The following WDR33 variants were observed in gnomAD, a reference collection of about 807,000 sequenced individuals.
The protein encoded by WDR33 is pre-mRNA 3' end processing protein WDR33.
WDR33 carries 47 observed loss-of-function variants against 164.9 expected under a neutral mutation model. The observed-to-expected ratio is 0.29, with a 90% CI of 0.23 to 0.36. The LOEUF is 0.36. WDR33 is among the 10% of genes least tolerant of loss of function. The probability of loss-of-function intolerance (pLI) is 1.00; values close to 1 mark genes in which losing one functional copy is unlikely to be tolerated. For missense variants in WDR33, 1,137 were observed against 1,754.1 expected (o/e 0.65, Z 6.28); for synonymous variants, 505 against 589.0 (o/e 0.86, Z 2.06).
intron 7 of WDR33, chr2:127,736,253 C>G: frequency 2.0e-6 from 2 of 985,354 alleles, no homozygotes; most frequent in Non-Finnish European, 2.4e-6. Context: ...AATGATGAAC[C>G]TGAATTCAGC....
rs1377690298 is a variant in WDR33 at position 127,722,694 on chromosome 2, G to A, written c.1415C>T (p.Pro472Leu). Reference sequence around the variant, plus strand: ...TTCCTCCATTCCCCAATCTAAACCTGGAATTGTCATTTCAATTTCATTTGA... The same window carrying A: ...TTCCTCCATTCCCCAATCTAAACCTAGAATTGTCATTTCAATTTCATTTGA... ...DESNEIEMTIPGLDWGMEEVM... is the reference protein window; with the variant it reads ...DESNEIEMTILGLDWGMEEVM... Residue 472 changes from proline (P) to leucine (L), a missense_variant, in exon 14 of 22, where the codon CCA becomes CTA. Physicochemically the swap from Pro to Leu is moderately conservative, Grantham distance 98. Around this residue, in one of 9 missense-constraint regions of WDR33, gnomAD observed 75 missense variants for 124.7 expected, o/e 0.60. Coordinates refer to ENST00000322313, the MANE Select transcript of WDR33 (RefSeq NM_018383.5). This position sits in a 1 kb window ranked among gnomAD's most constrained non-coding sequence, Gnocchi z 5.1. 1 of 1,613,674 alleles carries A rather than the reference G, an allele frequency of 6.2e-7. No individual in the cohort carries two copies. Among genetic ancestry groups the A allele is most frequent in the African/African-American group, 1.3e-5 (1 of 74,848 alleles).
At position 127,797,996 on chromosome 2, in the gene WDR33, G is replaced by C. The variant is rs544029638; in HGVS notation, c.-24+13016C>G. Among the ~76,000 whole-genome samples, 3 of 152,254 alleles carry C rather than the reference G, an allele frequency of 2.0e-5. No homozygotes were observed. In the South Asian group the frequency reaches 6.2e-4, roughly 32 times the overall value. ...ACCACTGCACTTCAACCTGGTGACA[G>C]AGTGAGACCCCATCTCAAAAGATTA... On this transcript the variant is annotated intron_variant, in intron 1 of 21. Coordinates refer to ENST00000322313, the MANE Select transcript of WDR33 (RefSeq NM_018383.5).
Position 127,706,222 on chromosome 2 carries a change from A to G in WDR33, c.*101T>C. On this transcript the variant is annotated 3_prime_UTR_variant, in exon 22 of 22. Coordinates refer to ENST00000322313, the MANE Select transcript of WDR33 (RefSeq NM_018383.5). This position sits in a 1 kb window ranked among gnomAD's most constrained non-coding sequence, Gnocchi z 5.1. Reference sequence around the variant, plus strand: ...GATTCAGGTGCCCAGAAAAGAGTTCAGGGCTACAATGGTGCAGGCTTCCTT... The same window carrying G: ...GATTCAGGTGCCCAGAAAAGAGTTCGGGGCTACAATGGTGCAGGCTTCCTT... The G allele has an allele frequency of 2.7e-6, 3 of 1,115,486 alleles. No individual in the cohort carries two copies. The highest frequency in any genetic ancestry group is 3.7e-6 in the Non-Finnish European group (3 of 815,490). 69.1% of individuals were successfully genotyped at this position (1,115,486 alleles called of 1,614,324 possible).
At position 127,702,443 on chromosome 2, in the gene WDR33, C is replaced by T. The variant is rs1685917078; in HGVS notation, c.*3880G>A. On this transcript the variant is annotated 3_prime_UTR_variant, in exon 22 of 22. Coordinates refer to ENST00000322313, the MANE Select transcript of WDR33 (RefSeq NM_018383.5). ...ATTGAACTGGTGACAGGATGTGAGA[C>T]GGTTATTAGAAGTTGCTTTCGAAGT... is the stretch of plus-strand genomic sequence containing the variant. 2 of 262,614 alleles carry T rather than the reference C, an allele frequency of 7.6e-6. No individual in the cohort carries two copies. 16.3% of individuals were successfully genotyped at this position (262,614 alleles called of 1,614,324 possible).
At chr2:127,810,157 A>C (rs980608453) in intron 1 of WDR33, among the ~76,000 whole-genome samples, 1 of 152,180 alleles carries the variant, frequency 6.6e-6, no homozygotes, top group African/African-American at 2.4e-5. Flanking sequence ...TGTTCCTTTC[A>C]GTGCAGGCTT....
chr2:127,701,468 G>A lies in WDR33; in HGVS notation c.*4855C>T, dbSNP rs1257332661. 2 of 1,239,296 alleles carry A rather than the reference G, an allele frequency of 1.6e-6. No individual in the cohort carries two copies. The highest frequency in any genetic ancestry group is 2.0e-6 in the Non-Finnish European group (2 of 987,614). 76.8% of individuals were successfully genotyped at this position (1,239,296 alleles called of 1,614,324 possible). The stretch of plus-strand genomic sequence containing the variant: ...CCAATTGCCGCCCGAAGACCGAACC[G>A]CTTCAGCGGAGGGCCGGAAGTGAGC... On this transcript the variant is annotated 3_prime_UTR_variant, in exon 22 of 22. Transcript: ENST00000322313.
In WDR33 at chr2:127,729,459, C is replaced by T. The variant is rs536018601; in HGVS notation, c.725-2682G>A. Reference sequence around the variant, plus strand: ...ATAAAGACTCAGTGAAGGATAGTACCTAGCAGACAGTGAATTGGAACAGGG... The same window carrying T: ...ATAAAGACTCAGTGAAGGATAGTACTTAGCAGACAGTGAATTGGAACAGGG... On this transcript the variant is annotated intron_variant, in intron 7 of 21. Coordinates refer to ENST00000322313, the MANE Select transcript of WDR33 (RefSeq NM_018383.5). 7.9e-5 allele frequency among the ~76,000 whole-genome samples: 12 copies of T among 151,864 alleles called. No homozygotes were observed. The East Asian group carries it at 1.7e-3, about 22-fold the overall frequency.
chr2:127,785,478 T>C (rs1688530334), intron 1 of WDR33, among the ~76,000 whole-genome samples: 2 of 152,232 alleles, frequency 1.3e-5, no homozygotes, highest in Non-Finnish European at 2.9e-5. Flanking sequence ...CTATTCATCC[T>C]TCCCTCCCCC....
intron 7 of WDR33, among the ~76,000 whole-genome samples, chr2:127,728,386 T>C (rs914407248): frequency 3.3e-5 from 5 of 152,146 alleles, no homozygotes; most frequent in South Asian, 2.1e-4. Flanking sequence ...TGTGAGCTTA[T>C]CTAAATTAAA....
chr2:127,788,101 G>A (rs1340657310), intron 1 of WDR33, among the ~76,000 whole-genome samples: 5 of 95,860 alleles, frequency 5.2e-5, no homozygotes, highest in East Asian at 3.0e-4. Flanking sequence ...CGGACGGGGC[G>A]GCTGGCCGGG....
chr2:127,711,764 A>ATTTT (rs1206674701), intron 18 of WDR33, among the ~76,000 whole-genome samples: 9 of 74,624 alleles, frequency 1.2e-4, no homozygotes, highest in African/African-American at 1.1e-3. Flanking sequence ...ATATATATAT[A>ATTTT]TATATATATA....
chr2:127,712,681 CA>C lies in WDR33; in HGVS notation c.3308+901del, dbSNP rs1686210578. On this transcript the variant is annotated intron_variant, in intron 18 of 21. Transcript: ENST00000322313. This position sits in a 1 kb window ranked among gnomAD's most constrained non-coding sequence, Gnocchi z 4.0. ...TTAAATGAGGTAACAACATCTGATA[CA>C]AAATACTCAATTATCATCATCTTTA... is the stretch of plus-strand genomic sequence containing the variant. 6.6e-6 allele frequency among the ~76,000 whole-genome samples: 1 copy of C among 152,232 alleles called. No individual in the cohort carries two copies. The highest frequency in any genetic ancestry group is 1.5e-5 in the Non-Finnish European group (1 of 68,044).
rs1206771167 is a variant in WDR33, at chr2:127,770,482, GA to G, written c.204+295del. 6.6e-6 allele frequency among the ~76,000 whole-genome samples: 1 copy of G among 152,114 alleles called. No homozygotes were observed. Among genetic ancestry groups the G allele is most frequent in the Non-Finnish European group, 1.5e-5 (1 of 68,018 alleles). On this transcript the variant is annotated intron_variant, in intron 2 of 21. Coordinates refer to ENST00000322313, the MANE Select transcript of WDR33 (RefSeq NM_018383.5). The surrounding 1 kb of genome is among the most constrained non-coding windows in gnomAD (Gnocchi z 4.9). ...AGGCAGGTGGATCACCTGAGGTTAGGAGTTTGAGACCAGCCTGGCCAACATG... is the reference window on the plus strand; with the variant it reads ...AGGCAGGTGGATCACCTGAGGTTAGGGTTTGAGACCAGCCTGGCCAACATG...
chr2:127,755,052 C>T (rs539675144), intron 7 of WDR33, among the ~76,000 whole-genome samples: 112 of 152,200 alleles, frequency 7.4e-4, no homozygotes, highest in Non-Finnish European at 1.4e-3. Flanking sequence ...GAGTTCACAC[C>T]AATCATCTAA....
intron 7 of WDR33, chr2:127,736,278 C>A (rs1686838684): frequency 7.1e-6 from 7 of 985,156 alleles, no homozygotes; most frequent in Non-Finnish European, 7.2e-6. Context: ...TGGACACTTC[C>A]GGGGGAGGAA....
intron 7 of WDR33, among the ~76,000 whole-genome samples, chr2:127,740,642 A>G (rs1212336045): frequency 6.6e-6 from 1 of 152,236 alleles, no homozygotes; most frequent in African/African-American, 2.4e-5. Flanking sequence ...TTAAGCTTCA[A>G]GTATACGATT....
chr2:127,761,415 T>C (rs898941412), intron 7 of WDR33, among the ~76,000 whole-genome samples: 1 of 152,172 alleles, frequency 6.6e-6, no homozygotes. Context: ...TTAGCCAGGA[T>C]GGTCTTGATC....
chr2:127,752,919 A>G (rs2105419056), intron 7 of WDR33, among the ~76,000 whole-genome samples: 1 of 152,096 alleles, frequency 6.6e-6, no homozygotes, highest in South Asian at 2.1e-4. Flanking sequence ...ATAAGACTTT[A>G]TTTATTTATT....
chr2:127,729,681 G>A (rs1369467517), intron 7 of WDR33, among the ~76,000 whole-genome samples: 2 of 152,218 alleles, frequency 1.3e-5, no homozygotes, highest in Admixed American at 1.3e-4. Context: ...ATTTTTGGTA[G>A]AGATATGGTT....
Sources: gnomAD v4.1 joint callset for allele counts (sites outside exome capture counted in the v4.1 genomes callset) on GRCh38, gnomAD v4.1.1 for gene constraint, gnomAD v4.1.1 regional missense constraint, Gnocchi (gnomAD v3.1) non-coding constraint, MANE v1.5 for transcripts, NCBI Gene and HGNC (gene_info 2026-07-23, HGNC 2026-07-21) for gene names.